Variants in ADAMTSL1 observed in about 807,000 individuals in gnomAD.
ADAMTSL1 encodes the protein ADAMTS like 1, also known as ADAMTS-like protein 1.
Under a neutral mutation model 201.8 loss-of-function variants are expected in ADAMTSL1, and 126 were observed. That is an observed-to-expected ratio of 0.62 (90% CI 0.54 to 0.72). The LOEUF is 0.72. Ranked by LOEUF, ADAMTSL1 falls within the 30% of genes least tolerant of loss-of-function variation. ADAMTSL1 has a pLI of 0.00. For missense variants in ADAMTSL1, 2,679 were observed against 2,277.8 expected, an observed-to-expected ratio of 1.18 and a Z score of -3.59; for synonymous variants, 1,121 against 903.4, an observed-to-expected ratio of 1.24 and a Z score of -4.32.
In ADAMTSL1 at chr9:18,892,518, G is replaced by C. The variant is rs1199662414; in HGVS notation, c.4773G>C (p.Gln1591His). The change falls in exon 26 of 29, where the codon CAG becomes CAC. Residue 1591 changes from glutamine to histidine, a missense_variant. Transcript: ENST00000380548. ...STPVSNDMCT[Q>H]VAKRPVDTQA... ...CTGTGTCCAATGACATGTGCACCCA[G>C]GTCGCCAAGCGGCCTGTGGACACCC... 1 of 1,599,234 alleles carries C rather than the reference G, an allele frequency of 6.3e-7. No homozygotes were observed. The highest frequency in any genetic ancestry group is 2.3e-5 in the East Asian group (1 of 44,262).
At chr9:18,363,278 G>T (rs149731903) in intron 2 of ADAMTSL1, among the ~76,000 whole-genome samples, 1 of 152,152 alleles carries the variant, frequency 6.6e-6, no homozygotes, top group Admixed American at 6.5e-5. Context: ...CAAATTGTTG[G>T]CCATGGCTAC....
chr9:18,641,069 C>G (rs1827405069), intron 7 of ADAMTSL1, among the ~76,000 whole-genome samples: 1 of 152,040 alleles, frequency 6.6e-6, no homozygotes, highest in Admixed American at 6.6e-5. Context: ...CCTTCTGTTT[C>G]AGACCTGAAT....
intron 2 of ADAMTSL1, among the ~76,000 whole-genome samples, chr9:18,245,316 A>G (rs1831217850): frequency 6.6e-6 from 1 of 152,196 alleles, no homozygotes; most frequent in African/African-American, 2.4e-5. Context: ...ATCAATATTT[A>G]AAAATTATAA....
rs150528186 is a variant in ADAMTSL1, at chr9:18,798,774, C to T, written c.3805+3250C>T. The stretch of plus-strand genomic sequence containing the variant: ...GCCTGCCATTGAGTTTGCCCCGTCC[C>T]GTAGATCTGGTGTCTTGCCAATTCT... On this transcript the variant is annotated intron_variant, in intron 20 of 28. Coordinates refer to ENST00000380548, the MANE Select transcript of ADAMTSL1 (RefSeq NM_001040272.6). Among the ~76,000 whole-genome samples the T allele has an allele frequency of 5.9e-5, 9 of 152,316 alleles. 1 individual carries two copies. The highest frequency in any genetic ancestry group is 3.4e-3 in the Middle Eastern group (1 of 294).
intron 9 of ADAMTSL1, among the ~76,000 whole-genome samples, chr9:18,668,687 A>G (rs1324772227): frequency 1.3e-5 from 2 of 152,218 alleles, no homozygotes; most frequent in African/African-American, 4.8e-5. Context: ...ATAAGACAAC[A>G]TATGTAAAGT....
At chr9:18,397,479 A>T (rs1214915423) in intron 2 of ADAMTSL1, among the ~76,000 whole-genome samples, 1 of 152,192 alleles carries the variant, frequency 6.6e-6, no homozygotes, top group Non-Finnish European at 1.5e-5. Context: ...AGAGGGCTAC[A>T]TCATTATTAT....
intron 2 of ADAMTSL1, among the ~76,000 whole-genome samples, chr9:18,455,858 T>A (rs1043652274): frequency 1.3e-5 from 2 of 149,682 alleles, no homozygotes; most frequent in Non-Finnish European, 2.9e-5. Flanking sequence ...GGTTCAAGGA[T>A]CTTATGTTAA....
At chr9:18,150,002 A>G (rs1826838056) in intron 1 of ADAMTSL1, among the ~76,000 whole-genome samples, 2 of 152,090 alleles carry the variant, frequency 1.3e-5, no homozygotes, top group South Asian at 4.1e-4. Flanking sequence ...GCAAGAACAC[A>G]TTTGGAAAGG....
At chr9:18,635,666 C>T (rs746672772) in intron 5 of ADAMTSL1, among the ~76,000 whole-genome samples, 3 of 152,054 alleles carry the variant, frequency 2.0e-5, no homozygotes, top group African/African-American at 4.8e-5. Context: ...ATTTTAAAAT[C>T]GAAAATGAAA....
chr9:18,306,233 G>T (rs1353697630), intron 2 of ADAMTSL1, among the ~76,000 whole-genome samples: 2 of 152,136 alleles, frequency 1.3e-5, no homozygotes, highest in Non-Finnish European at 2.9e-5. Flanking sequence ...ACGAAGATGA[G>T]GAAAACCCAG....
intron 2 of ADAMTSL1, among the ~76,000 whole-genome samples, chr9:18,241,413 C>T (rs1350258700): frequency 6.6e-6 from 1 of 152,112 alleles, no homozygotes. Context: ...GCTTCCTAGT[C>T]TTGCTCCATC....
chr9:18,179,450 C>G (rs1828348408), intron 2 of ADAMTSL1, among the ~76,000 whole-genome samples: 1 of 152,174 alleles, frequency 6.6e-6, no homozygotes, highest in African/African-American at 2.4e-5. Flanking sequence ...GGAAAACACT[C>G]TGCAGGATAT....
At chr9:18,098,031 TA>T (rs1434028235) in intron 1 of ADAMTSL1, among the ~76,000 whole-genome samples, 1 of 151,918 alleles carries the variant, frequency 6.6e-6, no homozygotes, top group African/African-American at 2.4e-5. Context: ...GATCAAGGCT[TA>T]TTTTTTTTCC....
At position 18,600,991 on chromosome 9, in the gene ADAMTSL1, T is replaced by G. The variant is rs377122175; in HGVS notation, c.475-21252T>G. On this transcript the variant is annotated intron_variant, in intron 4 of 28. Transcript: ENST00000380548. Reference sequence around the variant, plus strand: ...AGAGTATTGTCAATTTCCTATTGGTTTCCTTCAGCATTATTCTCCTTCACT... The same window carrying G: ...AGAGTATTGTCAATTTCCTATTGGTGTCCTTCAGCATTATTCTCCTTCACT... 7.2e-5 allele frequency among the ~76,000 whole-genome samples: 11 copies of G among 152,322 alleles called. No homozygotes were observed. The East Asian group carries it at 1.7e-3, about 24-fold the overall frequency.
chr9:18,401,657 C>T (rs575299004), intron 2 of ADAMTSL1, among the ~76,000 whole-genome samples: 5 of 152,314 alleles, frequency 3.3e-5, no homozygotes, highest in Admixed American at 6.5e-5. Context: ...TAAAGGAAAA[C>T]CACTTCTCTA....
intron 1 of ADAMTSL1, among the ~76,000 whole-genome samples, chr9:18,026,662 T>C (rs988857499): frequency 6.6e-6 from 1 of 151,988 alleles, no homozygotes; most frequent in African/African-American, 2.4e-5. Context: ...TGGCCTGAAG[T>C]TTTCTTTTTT....
intron 2 of ADAMTSL1, among the ~76,000 whole-genome samples, chr9:18,254,013 T>C (rs767476880): frequency 6.6e-6 from 1 of 152,182 alleles, no homozygotes; most frequent in Admixed American, 6.5e-5. Flanking sequence ...CCTGCCACTG[T>C]AGACCAGATA....
chr9:18,029,747 A>G (rs1328731263), intron 1 of ADAMTSL1, among the ~76,000 whole-genome samples: 1 of 152,270 alleles, frequency 6.6e-6, no homozygotes, highest in Non-Finnish European at 1.5e-5. Context: ...GGATATGAAT[A>G]GACACTTCTC....
chr9:18,101,324 C>T (rs752076730), intron 1 of ADAMTSL1, among the ~76,000 whole-genome samples: 65 of 151,976 alleles, frequency 4.3e-4, no homozygotes, highest in Non-Finnish European at 7.8e-4. Context: ...GGTGAAACCC[C>T]GTATCTACTA....
Sources: gnomAD v4.1 joint callset for allele counts (sites outside exome capture counted in the v4.1 genomes callset) on GRCh38, gnomAD v4.1.1 for gene constraint, MANE v1.5 for transcripts, NCBI Gene and HGNC (gene_info 2026-07-23, HGNC 2026-07-21) for gene names.